Variants in AKAP9 observed in about 807,000 individuals in gnomAD.
The protein encoded by AKAP9 is A-kinase anchoring protein 9.
A neutral mutation model predicts 488.5 loss-of-function variants in AKAP9; 311 were observed. That is an observed-to-expected ratio of 0.64 (90% confidence interval 0.58 to 0.70). The LOEUF is 0.70. AKAP9 is among the 30% of genes least tolerant of loss of function. AKAP9 has a pLI of 0.00. For synonymous variants in AKAP9, 1,462 were observed against 1,483.5 expected, an observed-to-expected ratio of 0.99 and a Z score of 0.33; for missense variants, 4,215 against 4,374.5, an observed-to-expected ratio of 0.96 and a Z score of 1.03.
At chr7:92,081,104 AT>A (rs1563107392) in intron 31 of AKAP9, among the ~76,000 whole-genome samples, 1 of 152,116 alleles carries the variant, frequency 6.6e-6, no homozygotes, top group Non-Finnish European at 1.5e-5. Context: ...AGAAACATTA[AT>A]TTTAGCAAAT....
intron 2 of AKAP9, among the ~76,000 whole-genome samples, chr7:91,975,092 TC>T (rs1261970435): frequency 4.6e-5 from 7 of 152,194 alleles, no homozygotes; most frequent in Non-Finnish European, 1.0e-4. Flanking sequence ...GCTCAGGAGA[TC>T]CACCCACCTT....
In AKAP9 at chr7:91,948,605, CTT is replaced by C. The variant is rs55928500; in HGVS notation, c.48+7480_48+7481del. Among the ~76,000 whole-genome samples, 1,037 of 107,410 alleles carry C rather than the reference CTT, an allele frequency of 9.7e-3. 11 individuals are homozygous for C. Among genetic ancestry groups the C allele is most frequent in the African/African-American group, 0.038 (973 of 25,526 alleles). 70.5% of individuals were successfully genotyped at this position (107,410 alleles called of 152,430 possible). On this transcript the variant is annotated intron_variant, in intron 1 of 49. Coordinates refer to ENST00000356239, the MANE Select transcript of AKAP9 (RefSeq NM_005751.5). ...GCACTTTTTGGCCACTTGTAGATTT[CTT>C]TTTTTTTTTTTTTTTTTTTTTGAGA...
intron 21 of AKAP9, among the ~76,000 whole-genome samples, chr7:92,049,563 A>T (rs769992881): frequency 6.6e-6 from 1 of 152,160 alleles, no homozygotes; most frequent in African/African-American, 2.4e-5. Context: ...GTGAGCGGAG[A>T]TCCAGCTACT....
rs1818892760 is a variant in AKAP9, at chr7:92,108,537, T to C, written c.11590T>C (p.Cys3864Arg). The C allele has an allele frequency of 3.1e-6, 5 of 1,614,230 alleles. No individual in the cohort carries two copies. Among genetic ancestry groups the C allele is most frequent in the Non-Finnish European group, 4.2e-6 (5 of 1,180,022 alleles). ...PADFNPGSLACSQLQNYDPDR... is the reference protein window; with the variant it reads ...PADFNPGSLARSQLQNYDPDR... ...TGATTTCAATCCTGGTTCTTTAGCA[T>C]GTTCTCAGCTTCAGAATTACGATCC... The change falls in exon 49 of 50, where the codon TGT becomes CGT. Residue 3864 changes from cysteine to arginine, a missense_variant. Around this residue, in one of 5 missense-constraint regions of AKAP9, gnomAD observed 253 missense variants for 266.8 expected, o/e 0.95. Coordinates refer to ENST00000356239, the MANE Select transcript of AKAP9 (RefSeq NM_005751.5).
intron 37 of AKAP9, 86 bp from the exon 38 acceptor site, chr7:92,089,299 C>T: frequency 6.8e-7 from 1 of 1,468,916 alleles, no homozygotes; most frequent in Non-Finnish European, 9.5e-7. Context: ...ATGTGTGTTC[C>T]ATTCATTCTT....
At chr7:92,026,077 A>G (rs763993205) in intron 14 of AKAP9, among the ~76,000 whole-genome samples, 1 of 152,198 alleles carries the variant, frequency 6.6e-6, no homozygotes, top group Non-Finnish European at 1.5e-5. Flanking sequence ...AATGGAAGGA[A>G]TGTTGGAAAC....
chr7:92,002,758 A>G lies in AKAP9; in HGVS notation c.2841A>G (p.Val947=). The change falls in exon 8 of 50, where the codon GTA becomes GTG. Residue 947 remains valine, a synonymous_variant. Transcript: ENST00000356239. ...DTTELMEKLE[V]TKREKLELSQ... The stretch of plus-strand genomic sequence containing the variant: ...CAGAACTCATGGAAAAACTTGAGGT[A>G]ACCAAGCGAGAGAAATTAGAGCTGT... The G allele has an allele frequency of 6.2e-7, 1 of 1,613,698 alleles. No homozygotes were observed. Among genetic ancestry groups the G allele is most frequent in the Non-Finnish European group, 8.5e-7 (1 of 1,179,718 alleles).
At chr7:92,056,464 A>G (rs1312804347) in intron 22 of AKAP9, among the ~76,000 whole-genome samples, 1 of 151,806 alleles carries the variant, frequency 6.6e-6, no homozygotes, top group East Asian at 1.9e-4. Flanking sequence ...TAGCTGCAGC[A>G]GTGATAAGAT....
At chr7:92,021,179 C>T (rs1289623494) in intron 12 of AKAP9, among the ~76,000 whole-genome samples, 1 of 152,180 alleles carries the variant, frequency 6.6e-6, no homozygotes, top group African/African-American at 2.4e-5. Context: ...AACTGACTTC[C>T]ATAATTACTC....
At chr7:92,086,079 G>A in intron 36 of AKAP9, 149 bp from the exon 37 acceptor site, 1 of 702,384 alleles carries the variant, frequency 1.4e-6, no homozygotes, top group East Asian at 2.8e-5. Context: ...AACAGAGTGA[G>A]ACTGTCTCAA....
chr7:92,026,614 C>T (rs1212818253), intron 14 of AKAP9, among the ~76,000 whole-genome samples: 3 of 152,206 alleles, frequency 2.0e-5, no homozygotes, highest in Admixed American at 6.5e-5. Context: ...GGATTGCAGA[C>T]GGAGTCTCGC....
chr7:92,085,415 A>G (rs966791250), intron 35 of AKAP9, 80 bp from the exon 36 acceptor site: 1 of 1,367,092 alleles, frequency 7.3e-7, no homozygotes, highest in East Asian at 2.3e-5. Context: ...CTTGCTTAAA[A>G]TTTATTTCTG....
rs760132341 is a variant in AKAP9, at chr7:92,086,299, A to G, written c.9096A>G (p.Gln3032=). The change falls in exon 37 of 50, where the codon CAA becomes CAG. Residue 3032 remains glutamine, a synonymous_variant. Transcript: ENST00000356239. ...GTGAACTACTGCTTGCCCTTCAACA[A>G]GTTTTCTTAGAAGAGCGTAGTGTTT... is the stretch of plus-strand genomic sequence containing the variant. ...WRGELLLALQ[Q]VFLEERSVLL... The G allele has an allele frequency of 9.3e-6, 15 of 1,614,110 alleles. No individual in the cohort carries two copies. Among genetic ancestry groups the G allele is most frequent in the Non-Finnish European group, 1.3e-5 (15 of 1,180,014 alleles).
In AKAP9 at chr7:92,001,403, A is replaced by C. The variant is rs1433981901; in HGVS notation, c.1486A>C (p.Asn496His). Residue 496 changes from asparagine (N) to histidine (H), a missense_variant, in exon 8 of 50, where the codon AAT becomes CAT. Physicochemically the swap from Asn to His is moderately conservative, Grantham distance 68. Around this residue, in one of 5 missense-constraint regions of AKAP9, gnomAD observed 2,361 missense variants for 2,430.0 expected, o/e 0.97. Transcript: ENST00000356239. Reference sequence around the variant, plus strand: ...GATAAAGTTAATGAATGTGGCAATAAATGAACTGAATATAAAATTGCAAGA... The same window carrying C: ...GATAAAGTTAATGAATGTGGCAATACATGAACTGAATATAAAATTGCAAGA... The part of the protein sequence containing the change: ...DQIKLMNVAI[N>H]ELNIKLQDTN... The C allele has an allele frequency of 6.2e-7, 1 of 1,613,850 alleles. No homozygotes were observed. The highest frequency in any genetic ancestry group is 8.5e-7 in the Non-Finnish European group (1 of 1,179,790).
At chr7:91,994,923 AAC>A in intron 6 of AKAP9, 147 bp downstream of exon 6, 1 of 686,986 alleles carries the variant, frequency 1.5e-6, no homozygotes, top group South Asian at 2.0e-5. Flanking sequence ...TTGCTATATT[AAC>A]CAGGAATTTA....
At chr7:91,946,616 C>A (rs1791482470) in intron 1 of AKAP9, among the ~76,000 whole-genome samples, 1 of 152,146 alleles carries the variant, frequency 6.6e-6, no homozygotes, top group African/African-American at 2.4e-5. Flanking sequence ...TCAAGCAATC[C>A]TCCTGCCTTA....
At chr7:91,951,563 G>A (rs771777483) in intron 1 of AKAP9, among the ~76,000 whole-genome samples, 4 of 152,104 alleles carry the variant, frequency 2.6e-5, no homozygotes, top group Non-Finnish European at 4.4e-5. Flanking sequence ...GGGCTCAAGC[G>A]GTTCTCCCAC....
intron 16 of AKAP9, among the ~76,000 whole-genome samples, chr7:92,032,491 C>G (rs912192552): frequency 6.4e-5 from 9 of 139,640 alleles, no homozygotes; most frequent in Non-Finnish European, 1.4e-4. Context: ...AGCGAAACTC[C>G]GTCTCAAAAA....
At chr7:92,062,107 A>G (rs920554194) in intron 23 of AKAP9, among the ~76,000 whole-genome samples, 167 bp from the exon 24 acceptor site, 4 of 152,182 alleles carry the variant, frequency 2.6e-5, no homozygotes, top group African/African-American at 9.7e-5. Flanking sequence ...ATACCCTATT[A>G]AAGGTTGATA....
Sources: gnomAD v4.1 joint callset for allele counts (sites outside exome capture counted in the v4.1 genomes callset) on GRCh38, gnomAD v4.1.1 for gene constraint, gnomAD v4.1.1 regional missense constraint, MANE v1.5 for transcripts, NCBI Gene and HGNC (gene_info 2026-07-23, HGNC 2026-07-21) for gene names.